The following PCSK6 variants were observed in gnomAD, a reference collection of about 807,000 sequenced individuals.
The protein encoded by PCSK6 is proprotein convertase subtilisin/kexin type 6.
PCSK6 carries 85 observed loss-of-function variants against 123.3 expected under a neutral mutation model. That is an observed-to-expected ratio of 0.69 (90% confidence interval 0.58 to 0.83). The LOEUF is 0.83. Ranked by LOEUF, PCSK6 falls within the 40% of genes least tolerant of loss-of-function variation. The pLI, the probability that PCSK6 is intolerant of heterozygous loss-of-function variation, is 0.00. For synonymous variants in PCSK6, 508 were observed against 516.0 expected (o/e 0.98, Z 0.21); for missense variants, 1,191 against 1,282.3 (o/e 0.93, Z 1.09).
chr15:101,420,601 A>C (rs1025863929), intron 6 of PCSK6, among the ~76,000 whole-genome samples: 1 of 152,168 alleles, frequency 6.6e-6, no homozygotes, highest in African/African-American at 2.4e-5. Context: ...TGGGCTCAAA[A>C]GGTCTTCCTG....
At chr15:101,307,985 C>T (rs1359049154) in intron 20 of PCSK6, 1 of 152,354 alleles carries the variant, frequency 6.6e-6, no homozygotes, top group Non-Finnish European at 1.5e-5. Context: ...CAGCATTTAT[C>T]CTGGACCACA....
intron 11 of PCSK6, among the ~76,000 whole-genome samples, chr15:101,374,375 A>G (rs1227701165): frequency 6.6e-6 from 1 of 152,182 alleles, no homozygotes; most frequent in African/African-American, 2.4e-5. Flanking sequence ...AAGACGGGCC[A>G]CAGGCTGAAA....
intron 6 of PCSK6, among the ~76,000 whole-genome samples, chr15:101,420,938 G>C (rs2056064763): frequency 6.6e-6 from 1 of 152,084 alleles, no homozygotes. Flanking sequence ...GGGGTTGAAG[G>C]AGTTTTGTTT....
chr15:101,347,125 G>T, intron 13 of PCSK6: 1 of 1,231,750 alleles, frequency 8.1e-7, no homozygotes, highest in Non-Finnish European at 1.0e-6. Flanking sequence ...CTCTATAATT[G>T]CACTTTCCAG....
intron 8 of PCSK6, among the ~76,000 whole-genome samples, chr15:101,392,030 C>T (rs181686567): frequency 2.0e-5 from 3 of 152,336 alleles, no homozygotes; most frequent in Admixed American, 2.0e-4. Context: ...AGTCCTACTT[C>T]CAGGGTTGAG....
chr15:101,309,597 G>A (rs1490387695), intron 20 of PCSK6, among the ~76,000 whole-genome samples: 1 of 152,262 alleles, frequency 6.6e-6, no homozygotes, highest in African/African-American at 2.4e-5. Flanking sequence ...GGATGCAGAA[G>A]ACTGACGCTT....
intron 16 of PCSK6, 30 bp from the exon 17 acceptor site, chr15:101,325,076 C>A: frequency 6.5e-7 from 1 of 1,546,558 alleles, no homozygotes; most frequent in Non-Finnish European, 8.8e-7. Flanking sequence ...AGGGTGAGGG[C>A]CTTGCCAACC....
chr15:101,414,797 C>T (rs1466694508), intron 6 of PCSK6, among the ~76,000 whole-genome samples: 9 of 152,020 alleles, frequency 5.9e-5, no homozygotes, highest in African/African-American at 1.2e-4. Flanking sequence ...AAAACAAATA[C>T]AATAGAAATA....
intron 13 of PCSK6, among the ~76,000 whole-genome samples, chr15:101,350,700 T>C (rs1478295900): frequency 6.6e-6 from 1 of 152,174 alleles, no homozygotes; most frequent in Non-Finnish European, 1.5e-5. Flanking sequence ...GGAGAGTGGC[T>C]GGCCCCCGCA....
chr15:101,350,621 C>T (rs546867946), intron 13 of PCSK6, among the ~76,000 whole-genome samples: 4 of 152,314 alleles, frequency 2.6e-5, no homozygotes, highest in Admixed American at 6.5e-5. Flanking sequence ...GCCTCTGAGC[C>T]GGCCCTGGGA....
intron 1 of PCSK6, among the ~76,000 whole-genome samples, chr15:101,470,385 C>G (rs1156300989): frequency 6.6e-6 from 1 of 152,106 alleles, no homozygotes; most frequent in Non-Finnish European, 1.5e-5. Context: ...TTGTTTCCTT[C>G]CAAGTTTTCT....
chr15:101,325,873 C>T (rs373081923), intron 16 of PCSK6, among the ~76,000 whole-genome samples: 278 of 152,336 alleles, frequency 1.8e-3, no homozygotes, highest in African/African-American at 5.7e-3. Context: ...GATATCCTCC[C>T]TTGGGGTAAA....
intron 11 of PCSK6, among the ~76,000 whole-genome samples, chr15:101,376,703 A>G (rs2041754150): frequency 6.6e-6 from 1 of 152,262 alleles, no homozygotes; most frequent in Non-Finnish European, 1.5e-5. Context: ...TTCAAAACTA[A>G]GCCAGGAAGG....
At position 101,404,511 on chromosome 15, in the gene PCSK6, G is replaced by C. The variant is rs534136119; in HGVS notation, c.824-5935C>G. ...ACCTCCAAGAGAAGGGTCAGGGCCA[G>C]GCCCAGTGCAAGAGGCTGGCAAGAT... On this transcript the variant is annotated intron_variant, in intron 6 of 21. Transcript: ENST00000611716. Among the ~76,000 whole-genome samples the C allele has an allele frequency of 1.1e-3, 170 of 152,300 alleles. 1 individual carries two copies. Among genetic ancestry groups the C allele is most frequent in the African/African-American group, 4.0e-3 (166 of 41,562 alleles).
At chr15:101,411,982 G>A (rs1287128450) in intron 6 of PCSK6, among the ~76,000 whole-genome samples, 1 of 152,194 alleles carries the variant, frequency 6.6e-6, no homozygotes, top group Non-Finnish European at 1.5e-5. Flanking sequence ...GGAGAGTCAG[G>A]AGGCTCACTG....
chr15:101,371,106 C>T (rs1372824474), intron 11 of PCSK6, among the ~76,000 whole-genome samples: 6 of 152,194 alleles, frequency 3.9e-5, no homozygotes. Context: ...ACTCGGGAGC[C>T]TGAGGCAGGA....
intron 19 of PCSK6, chr15:101,313,860 TA>T (rs901307061): frequency 3.1e-5 from 6 of 193,730 alleles, no homozygotes; most frequent in African/African-American, 1.2e-4. Flanking sequence ...ATAAAAAATA[TA>T]AAACAGCTCA....
intron 6 of PCSK6, among the ~76,000 whole-genome samples, chr15:101,426,520 TG>T (rs1316885475): frequency 6.6e-5 from 10 of 152,246 alleles, no homozygotes; most frequent in Non-Finnish European, 1.5e-4. Context: ...CAGAGTCTCC[TG>T]ATTTGTTCTG....
intron 13 of PCSK6, among the ~76,000 whole-genome samples, chr15:101,341,038 C>T (rs11852678): frequency 0.03 from 4,425 of 147,596 alleles, 237 homozygotes; most frequent in African/African-American, 0.11. Context: ...CAGGATCAAG[C>T]GATTCTCCTG....
Sources: allele counts gnomAD v4.1 joint callset (sites outside exome capture counted in the v4.1 genomes callset), GRCh38; gene constraint gnomAD v4.1.1; transcripts MANE v1.5; gene names NCBI Gene and HGNC (gene_info 2026-07-23, HGNC 2026-07-21).